Variants in WDPCP observed in about 807,000 individuals in gnomAD.
WDPCP encodes WD repeat containing planar cell polarity effector, also known as WD repeat-containing and planar cell polarity effector protein fritz homolog.
A neutral mutation model predicts 93.1 loss-of-function variants in WDPCP; 71 were observed. The ratio of observed to expected loss-of-function variants is 0.76; its 90% confidence interval spans 0.63 to 0.93. The LOEUF (loss-of-function observed/expected upper bound fraction) is 0.93. Ranked by LOEUF, WDPCP falls within the 40% of genes least tolerant of loss-of-function variation. WDPCP has a pLI of 0.00. For synonymous variants in WDPCP, 315 were observed against 315.0 expected (o/e 1.00, Z 0.00); for missense variants, 844 against 887.4 (o/e 0.95, Z 0.62).
chr2:63,573,095 T>C (rs1263405371), intron 1 of WDPCP, among the ~76,000 whole-genome samples: 3 of 151,888 alleles, frequency 2.0e-5, no homozygotes, highest in African/African-American at 7.3e-5. Context: ...AAAAAATAAT[T>C]TTTTAATTGG....
intron 3 of WDPCP, among the ~76,000 whole-genome samples, chr2:63,644,762 T>A (rs2106634531): frequency 6.6e-6 from 1 of 152,306 alleles, no homozygotes; most frequent in East Asian, 1.9e-4. Context: ...TAGAAATTTG[T>A]CCATTTCTTC....
At chr2:63,838,191 G>A in the WDPCP span, among the ~76,000 whole-genome samples, 1 of 152,132 alleles carries the variant, frequency 6.6e-6, no homozygotes, top group African/African-American at 2.4e-5. Flanking sequence ...CTTATGGAAT[G>A]TTCGCTATGT....
chr2:63,731,431 A>G (rs758595871), intron 2 of WDPCP, among the ~76,000 whole-genome samples: 13 of 152,174 alleles, frequency 8.5e-5, no homozygotes, highest in Non-Finnish European at 1.0e-4. Context: ...CTTAGTATAT[A>G]TTCACTATGT....
chr2:63,366,384 ATTT>A (rs1690907424), intron 12 of WDPCP, among the ~76,000 whole-genome samples: 2 of 152,102 alleles, frequency 1.3e-5, no homozygotes, highest in Non-Finnish European at 2.9e-5. Context: ...ATTTAAGTAT[ATTT>A]TTCCTCCTTT....
chr2:63,133,639 C>T (rs775618395), intron 17 of WDPCP, among the ~76,000 whole-genome samples: 1 of 152,192 alleles, frequency 6.6e-6, no homozygotes, highest in Non-Finnish European at 1.5e-5. Context: ...CTGGCATTCA[C>T]TCTGTCCTGT....
intron 2 of WDPCP, among the ~76,000 whole-genome samples, chr2:63,744,104 G>A (rs1048098486): frequency 5.3e-5 from 8 of 152,110 alleles, no homozygotes; most frequent in African/African-American, 1.9e-4. Flanking sequence ...TTTATAACTG[G>A]AGAAAGTGAA....
At chr2:63,263,969 C>G (rs756455322) in intron 13 of WDPCP, among the ~76,000 whole-genome samples, 2 of 152,012 alleles carry the variant, frequency 1.3e-5, no homozygotes, top group African/African-American at 4.8e-5. Flanking sequence ...TTCCATGAAG[C>G]TAATGAAGCT....
chr2:63,629,318 C>T (rs1042024091), intron 3 of WDPCP, among the ~76,000 whole-genome samples: 5 of 152,182 alleles, frequency 3.3e-5, no homozygotes, highest in African/African-American at 1.2e-4. Context: ...CCCAAAGTTC[C>T]CCTCAGGCCG....
intron 17 of WDPCP, among the ~76,000 whole-genome samples, chr2:63,135,050 G>A (rs1670525670): frequency 6.6e-6 from 1 of 152,134 alleles, no homozygotes; most frequent in Non-Finnish European, 1.5e-5. Flanking sequence ...TTAAAGCCAT[G>A]AGGTAGAAGT....
At chr2:63,633,594 C>T (rs1396448197) in intron 3 of WDPCP, among the ~76,000 whole-genome samples, 1 of 151,600 alleles carries the variant, frequency 6.6e-6, no homozygotes, top group African/African-American at 2.4e-5. Flanking sequence ...ATAGTAGACA[C>T]ACAAAAGATA....
At chr2:63,123,575 T>TA (rs1313338036) in intron 17 of WDPCP, among the ~76,000 whole-genome samples, 3 of 152,124 alleles carry the variant, frequency 2.0e-5, no homozygotes, top group Non-Finnish European at 4.4e-5. Flanking sequence ...CCATTGCATT[T>TA]TAAAAAGACT....
intron 1 of WDPCP, among the ~76,000 whole-genome samples, chr2:63,819,012 T>C (rs1201728821): frequency 6.6e-6 from 1 of 152,186 alleles, no homozygotes; most frequent in Non-Finnish European, 1.5e-5. Flanking sequence ...TACACACATA[T>C]ATATAATATA....
At chr2:63,434,063 C>T (rs1263897296) in intron 8 of WDPCP, 127 bp from the exon 9 acceptor site, 12 of 920,256 alleles carry the variant, frequency 1.3e-5, no homozygotes, top group Admixed American at 2.4e-5. Flanking sequence ...TAAACATGTG[C>T]GTAAGAAGGT....
intron 14 of WDPCP, among the ~76,000 whole-genome samples, chr2:63,181,656 C>A (rs982693496): frequency 6.6e-6 from 1 of 151,826 alleles, no homozygotes; most frequent in Non-Finnish European, 1.5e-5. Flanking sequence ...TTTTTGCTTA[C>A]AATTGCTTTG....
intron 6 of WDPCP, among the ~76,000 whole-genome samples, chr2:63,451,569 A>C (rs1039485078): frequency 6.6e-6 from 1 of 152,200 alleles, no homozygotes; most frequent in Non-Finnish European, 1.5e-5. Flanking sequence ...ATAGAAAAAG[A>C]GGGAATCCTC....
intron 6 of WDPCP, among the ~76,000 whole-genome samples, chr2:63,479,279 A>G (rs755131696): frequency 6.6e-6 from 1 of 152,126 alleles, no homozygotes; most frequent in Non-Finnish European, 1.5e-5. Context: ...AATTGGTATC[A>G]ATCCTATTGA....
intron 1 of WDPCP, among the ~76,000 whole-genome samples, chr2:63,586,206 C>G (rs1471084068): frequency 6.6e-6 from 1 of 152,190 alleles, no homozygotes; most frequent in Non-Finnish European, 1.5e-5. Flanking sequence ...CAAGAGCCAA[C>G]ATTCTATTTC....
intron 6 of WDPCP, among the ~76,000 whole-genome samples, chr2:63,464,344 T>C (rs7608470): frequency 0.81 from 123,852 of 152,104 alleles, 51,209 homozygotes; most frequent in East Asian, 0.98. Flanking sequence ...AGTAGAATGA[T>C]TACTACCACA....
At chr2:63,172,785 C>T (rs1673494448) in intron 15 of WDPCP, among the ~76,000 whole-genome samples, 1 of 152,154 alleles carries the variant, frequency 6.6e-6, no homozygotes, top group Non-Finnish European at 1.5e-5. Context: ...GCATGGACTA[C>T]AGGGAAGACG....
Sources: gnomAD v4.1 joint callset for allele counts (sites outside exome capture counted in the v4.1 genomes callset) on GRCh38, gnomAD v4.1.1 for gene constraint, MANE v1.5 for transcripts, NCBI Gene and HGNC (gene_info 2026-07-23, HGNC 2026-07-21) for gene names.